The following CEP112 variants were observed in gnomAD, a reference collection of about 807,000 sequenced individuals.
The protein encoded by CEP112 is centrosomal protein 112, also known as centrosomal protein of 112 kDa.
CEP112 carries 127 observed loss-of-function variants against 153.0 expected under a neutral mutation model. The ratio of observed to expected loss-of-function variants is 0.83; its 90% confidence interval spans 0.72 to 0.96. The LOEUF is 0.96. CEP112 is among the 40% of genes least tolerant of loss of function. CEP112 has a pLI of 0.00. For synonymous variants in CEP112, 358 were observed against 374.4 expected (o/e 0.96, Z 0.51); for missense variants, 1,089 against 1,101.2 (o/e 0.99, Z 0.16).
chr17:65,954,270 G>A lies in CEP112; in HGVS notation c.1872+7193C>T, dbSNP rs544692423. On this transcript the variant is annotated intron_variant, in intron 18 of 26. Coordinates refer to ENST00000535342, the MANE Select transcript of CEP112 (RefSeq NM_001199165.4). ...AAACAAGAACAATCACTATAGCTCC[G>A]CTCTTAGGAAGCCTCATTCCTAGGG... Among the ~76,000 whole-genome samples the A allele has an allele frequency of 5.6e-4, 85 of 152,144 alleles. 2 individuals are homozygous for A. The highest frequency in any genetic ancestry group is 1.8e-4 in the Non-Finnish European group (12 of 68,030).
intron 17 of CEP112, among the ~76,000 whole-genome samples, chr17:65,971,142 T>C (rs1364140730): frequency 2.6e-5 from 4 of 152,214 alleles, no homozygotes; most frequent in African/African-American, 9.7e-5. Flanking sequence ...ATATTGCATG[T>C]GCACATGATA....
intron 18 of CEP112, among the ~76,000 whole-genome samples, chr17:65,960,524 C>T (rs12602212): frequency 0.48 from 72,988 of 151,942 alleles, 18,519 homozygotes; most frequent in East Asian, 0.89. Flanking sequence ...AATCCACAGA[C>T]AGTCAAGTTC....
chr17:65,865,402 G>T (rs1047860558), intron 20 of CEP112, among the ~76,000 whole-genome samples: 4 of 152,176 alleles, frequency 2.6e-5, no homozygotes, highest in Non-Finnish European at 4.4e-5. Context: ...CTAGCTTAGG[G>T]TAAGTATCAT....
chr17:65,756,227 A>G (rs1380538690), intron 21 of CEP112, among the ~76,000 whole-genome samples: 2 of 152,010 alleles, frequency 1.3e-5, no homozygotes, highest in East Asian at 3.9e-4. Flanking sequence ...AACATGGTGA[A>G]ACCCCATCTC....
intron 21 of CEP112, among the ~76,000 whole-genome samples, chr17:65,846,359 C>T (rs1202485925): frequency 2.0e-5 from 3 of 152,082 alleles, no homozygotes; most frequent in Middle Eastern, 6.8e-3. Flanking sequence ...AAGATTAATG[C>T]TATGTTTTTA....
At chr17:66,034,976 G>GTGTGTGTGTGTGTGTGTGTGTATATATA (rs1255011364) in intron 12 of CEP112, among the ~76,000 whole-genome samples, 3 of 13,440 alleles carry the variant, frequency 2.2e-4, no homozygotes, top group African/African-American at 6.5e-4. Flanking sequence ...GTTTTTGCAT[G>GTGTGTGTGTGTGTGTGTGTGTATATATA]TATATATATA....
rs375565665 is a variant in CEP112 at position 65,869,578 on chromosome 17, T to C, written c.2164-17544A>G. ...CATATAGGAAAGGCAAGATAAACTTTCTTTTTTTTTTTTTTTTTTCAGACA... is the reference window on the plus strand; with the variant it reads ...CATATAGGAAAGGCAAGATAAACTTCCTTTTTTTTTTTTTTTTTTCAGACA... On this transcript the variant is annotated intron_variant, in intron 20 of 26. Transcript: ENST00000535342. Among the ~76,000 whole-genome samples the C allele has an allele frequency of 4.7e-3, 423 of 90,762 alleles. 2 individuals carry two copies. Among genetic ancestry groups the C allele is most frequent in the African/African-American group, 0.018 (398 of 22,254 alleles). 59.5% of individuals were successfully genotyped at this position (90,762 alleles called of 152,430 possible). A position where few individuals can be genotyped will look rare whatever the true frequency, so the allele number is the denominator to read the frequency against.
At chr17:65,857,335 A>G (rs541386358) in intron 20 of CEP112, among the ~76,000 whole-genome samples, 1 of 152,366 alleles carries the variant, frequency 6.6e-6, no homozygotes, top group South Asian at 2.1e-4. Flanking sequence ...TGTCTAAAAA[A>G]CAATGTGCAT....
At chr17:65,643,662 G>A (rs1006133330) in intron 24 of CEP112, among the ~76,000 whole-genome samples, 1 of 152,176 alleles carries the variant, frequency 6.6e-6, no homozygotes, top group African/African-American at 2.4e-5. Context: ...GTTGCAGTCA[G>A]CCAGGGTGAG....
intron 4 of CEP112, among the ~76,000 whole-genome samples, chr17:66,136,080 A>G (rs1201654711): frequency 6.6e-6 from 1 of 152,182 alleles, no homozygotes; most frequent in East Asian, 1.9e-4. Flanking sequence ...AACCACACTG[A>G]AGCCAGTAGG....
At chr17:65,818,720 C>A (rs901678452) in intron 21 of CEP112, among the ~76,000 whole-genome samples, 1 of 151,792 alleles carries the variant, frequency 6.6e-6, no homozygotes, top group African/African-American at 2.4e-5. Flanking sequence ...TTTAACACAG[C>A]AGCATTCAAA....
At chr17:66,081,517 A>C (rs1259770511) in intron 8 of CEP112, among the ~76,000 whole-genome samples, 1 of 152,162 alleles carries the variant, frequency 6.6e-6, no homozygotes, top group East Asian at 1.9e-4. Flanking sequence ...GTTTCATATG[A>C]AATCTATAAC....
At chr17:66,142,434 G>A (rs2070741661) in intron 4 of CEP112, among the ~76,000 whole-genome samples, 1 of 152,186 alleles carries the variant, frequency 6.6e-6, no homozygotes, top group African/African-American at 2.4e-5. Flanking sequence ...CTAGACCAAT[G>A]TCAAGAAGCT....
rs141438016 is a variant in CEP112 at position 65,850,801 on chromosome 17, C to T, written c.2394+1003G>A. ...CACTTTCCCTCTTCTTCTCACTCAT[C>T]ATTTCCAGACACACCACTTTCCCTG... On this transcript the variant is annotated intron_variant, in intron 21 of 26. Coordinates refer to ENST00000535342, the MANE Select transcript of CEP112 (RefSeq NM_001199165.4). 5.2e-4 allele frequency among the ~76,000 whole-genome samples: 79 copies of T among 152,306 alleles called. 1 individual carries two copies. The East Asian group carries it at 0.014, about 28-fold the overall frequency.
At chr17:65,825,989 A>G (rs981383377) in intron 21 of CEP112, 12 of 761,710 alleles carry the variant, frequency 1.6e-5, no homozygotes, top group Non-Finnish European at 2.4e-5. Flanking sequence ...ATTTCTGTTC[A>G]ATGTGATTGC....
At chr17:65,889,205 C>T (rs1283737265) in intron 20 of CEP112, among the ~76,000 whole-genome samples, 2 of 152,070 alleles carry the variant, frequency 1.3e-5, no homozygotes, top group Non-Finnish European at 2.9e-5. Flanking sequence ...AGTAATGGCC[C>T]GAGTTGCTTC....
intron 21 of CEP112, among the ~76,000 whole-genome samples, chr17:65,779,345 G>A (rs1216306375): frequency 1.3e-5 from 2 of 152,126 alleles, no homozygotes; most frequent in Admixed American, 6.5e-5. Context: ...AAGAGTAATC[G>A]AGACAGGAGA....
At chr17:65,819,758 C>T (rs1439927086) in intron 21 of CEP112, among the ~76,000 whole-genome samples, 1 of 151,850 alleles carries the variant, frequency 6.6e-6, no homozygotes, top group Non-Finnish European at 1.5e-5. Context: ...ACAAAATAAC[C>T]AGCAGCTAGC....
chr17:65,712,753 G>T (rs2049267845), intron 23 of CEP112, among the ~76,000 whole-genome samples: 1 of 152,146 alleles, frequency 6.6e-6, no homozygotes, highest in East Asian at 1.9e-4. Flanking sequence ...TCTGGGTCCT[G>T]CTCTAATTTT....
Sources: allele counts gnomAD v4.1 joint callset (sites outside exome capture counted in the v4.1 genomes callset), GRCh38; gene constraint gnomAD v4.1.1; transcripts MANE v1.5; gene names NCBI Gene and HGNC (gene_info 2026-07-23, HGNC 2026-07-21).